NKAIN2: variants seen among roughly 807,000 people sequenced by gnomAD.
The protein encoded by NKAIN2 is sodium/potassium transporting ATPase interacting 2.
In NKAIN2, 14 loss-of-function variants were observed where a neutral mutation model predicts 32.6. The ratio of observed to expected loss-of-function variants is 0.43; its 90% CI spans 0.28 to 0.67. The LOEUF (loss-of-function observed/expected upper bound fraction) is 0.67, where lower values mean the gene tolerates loss of function less well. Ranked by LOEUF, NKAIN2 falls within the 30% of genes least tolerant of loss-of-function variation. The pLI, the probability that NKAIN2 is intolerant of heterozygous loss-of-function variation, is 0.17. For synonymous variants in NKAIN2, 80 were observed against 87.2 expected (o/e 0.92, Z 0.46); for missense variants, 198 against 258.3 (o/e 0.77, Z 1.60).
At position 124,450,122 on chromosome 6, in the gene NKAIN2, C is replaced by T. The variant is rs183910898; in HGVS notation, c.273+94775C>T. Among the ~76,000 whole-genome samples, 10 of 152,106 alleles carry T rather than the reference C, an allele frequency of 6.6e-5. No individual in the cohort carries two copies. In the East Asian group the frequency reaches 1.4e-3, roughly 21 times the overall value. ...AATGGGACAAAACAAAGATATTTTC[C>T]AATATTAACTGCAAAGTCAGTATTG... On this transcript the variant is annotated intron_variant, in intron 3 of 6. Transcript: ENST00000368417.
intron 1 of NKAIN2, among the ~76,000 whole-genome samples, chr6:123,996,020 A>G (rs1465064545): frequency 1.3e-5 from 2 of 152,144 alleles, no homozygotes; most frequent in Non-Finnish European, 2.9e-5. Context: ...CATTTTTATT[A>G]CAATCCTCAT....
intron 1 of NKAIN2, among the ~76,000 whole-genome samples, chr6:123,844,740 G>C (rs546313562): frequency 1.1e-4 from 17 of 152,292 alleles, no homozygotes; most frequent in Middle Eastern, 6.8e-3. Context: ...AAATCCTGCT[G>C]TACAAGGCTA....
intron 3 of NKAIN2, among the ~76,000 whole-genome samples, chr6:124,411,429 C>G (rs1314680813): frequency 1.3e-5 from 2 of 152,054 alleles, no homozygotes; most frequent in Non-Finnish European, 2.9e-5. Context: ...TTTATTTCTC[C>G]TTCACTTATG....
intron 1 of NKAIN2, among the ~76,000 whole-genome samples, chr6:124,113,315 A>T (rs918822324): frequency 3.3e-5 from 5 of 152,128 alleles, no homozygotes; most frequent in African/African-American, 1.2e-4. Flanking sequence ...AGGTGGCTAG[A>T]TTGTGCCATC....
intron 3 of NKAIN2, among the ~76,000 whole-genome samples, chr6:124,597,282 A>G (rs1467698334): frequency 6.6e-6 from 1 of 152,162 alleles, no homozygotes; most frequent in Non-Finnish European, 1.5e-5. Context: ...AACTTTATAT[A>G]GCTGTCAATG....
intron 1 of NKAIN2, among the ~76,000 whole-genome samples, chr6:123,977,122 G>C (rs1282048449): frequency 6.6e-6 from 1 of 152,178 alleles, no homozygotes; most frequent in African/African-American, 2.4e-5. Context: ...ACAGGCATGT[G>C]TGACCACACC....
chr6:123,908,155 T>C (rs961837570), intron 1 of NKAIN2, among the ~76,000 whole-genome samples: 5 of 152,156 alleles, frequency 3.3e-5, no homozygotes, highest in African/African-American at 9.6e-5. Context: ...GAGTTTCCCT[T>C]GCATTTATCT....
chr6:124,189,990 C>T (rs1462147809), intron 1 of NKAIN2, among the ~76,000 whole-genome samples: 1 of 152,194 alleles, frequency 6.6e-6, no homozygotes, highest in East Asian at 1.9e-4. Context: ...GGGCAGATTT[C>T]CTAAAAGCAG....
intron 3 of NKAIN2, among the ~76,000 whole-genome samples, chr6:124,426,175 T>C (rs1316376328): frequency 6.6e-6 from 1 of 152,232 alleles, no homozygotes; most frequent in Admixed American, 6.5e-5. Context: ...TATGACTTTA[T>C]ATTTCTTCTA....
At chr6:124,021,386 A>G (rs1780858433) in intron 1 of NKAIN2, among the ~76,000 whole-genome samples, 1 of 152,064 alleles carries the variant, frequency 6.6e-6, no homozygotes, top group Non-Finnish European at 1.5e-5. Flanking sequence ...TAATTAATAA[A>G]TTAAGATTAT....
chr6:124,732,816 A>G (rs1487619031), intron 4 of NKAIN2, among the ~76,000 whole-genome samples: 1 of 152,042 alleles, frequency 6.6e-6, no homozygotes, highest in African/African-American at 2.4e-5. Context: ...TAATCATTCT[A>G]CTAGATATTA....
chr6:124,078,329 G>A (rs889153252), intron 1 of NKAIN2, among the ~76,000 whole-genome samples: 4 of 149,944 alleles, frequency 2.7e-5, no homozygotes, highest in African/African-American at 1.0e-4. Context: ...GTGCAGTAGT[G>A]GAAGTTAAAT....
intron 1 of NKAIN2, among the ~76,000 whole-genome samples, chr6:123,828,322 T>G (rs1774236498): frequency 6.6e-6 from 1 of 152,174 alleles, no homozygotes; most frequent in African/African-American, 2.4e-5. Flanking sequence ...CGAGGACTGC[T>G]GTAAGATCTC....
chr6:124,383,190 G>C (rs9491145), intron 3 of NKAIN2, among the ~76,000 whole-genome samples: 33,635 of 151,902 alleles, frequency 0.22, 4,807 homozygotes, highest in African/African-American at 0.41. Flanking sequence ...ATTTTACCTC[G>C]CTAGTGTCTT....
chr6:124,536,666 G>T (rs186800291), intron 3 of NKAIN2, among the ~76,000 whole-genome samples: 27 of 152,232 alleles, frequency 1.8e-4, no homozygotes, highest in Admixed American at 1.7e-3. Context: ...TGCACTTCAA[G>T]GGCTAGAGGC....
At chr6:123,825,713 C>T (rs1774118575) in intron 1 of NKAIN2, among the ~76,000 whole-genome samples, 2 of 152,110 alleles carry the variant, frequency 1.3e-5, no homozygotes, top group Admixed American at 6.6e-5. Flanking sequence ...TAACTGTGGA[C>T]ATGTCAAAAC....
At chr6:123,922,969 G>A (rs1775823436) in intron 1 of NKAIN2, among the ~76,000 whole-genome samples, 1 of 152,096 alleles carries the variant, frequency 6.6e-6, no homozygotes, top group South Asian at 2.1e-4. Flanking sequence ...AACTTGAGAG[G>A]AGTTACAGCT....
chr6:124,011,198 T>G (rs1780306917), intron 1 of NKAIN2, among the ~76,000 whole-genome samples: 1 of 152,192 alleles, frequency 6.6e-6, no homozygotes, highest in Non-Finnish European at 1.5e-5. Context: ...GTTCTCCTTC[T>G]GACTCTCTGA....
intron 3 of NKAIN2, among the ~76,000 whole-genome samples, chr6:124,360,569 CAT>C (rs1799243139): frequency 6.6e-6 from 1 of 151,878 alleles, no homozygotes; most frequent in Admixed American, 6.6e-5. Context: ...TTTCCATTAA[CAT>C]ATTTTAATTA....
Sources: gnomAD v4.1 joint callset for allele counts (sites outside exome capture counted in the v4.1 genomes callset) on GRCh38, gnomAD v4.1.1 for gene constraint, MANE v1.5 for transcripts, NCBI Gene and HGNC (gene_info 2026-07-23, HGNC 2026-07-21) for gene names.